Variants in KCNU1 observed in about 807,000 individuals in gnomAD.
The protein encoded by KCNU1 is potassium channel subfamily U member 1.
In KCNU1, 93 loss-of-function variants were observed where a neutral mutation model predicts 126.8. The observed-to-expected ratio is 0.73, with a 90% CI of 0.62 to 0.87. KCNU1 has a LOEUF of 0.87. KCNU1 is among the 40% of genes least tolerant of loss of function. The pLI is 0.00. For missense variants in KCNU1, 1,330 were observed against 1,367.1 expected (o/e 0.97, Z 0.43); for synonymous variants, 523 against 494.2 (o/e 1.06, Z -0.77).
In KCNU1 at chr8:36,808,793, G is replaced by A; in HGVS notation, c.732G>A (p.Leu244=). 2 of 1,606,324 alleles carry A rather than the reference G, an allele frequency of 1.2e-6. No individual in the cohort carries two copies. Among genetic ancestry groups the A allele is most frequent in the Non-Finnish European group, 8.5e-7 (1 of 1,174,380 alleles). Residue 244 remains leucine, a splice_region_variant and synonymous_variant, in exon 7 of 27, where the codon CTG becomes CTA. Transcript: ENST00000399881. ...TWFTAAGFIH[L]VENSGDPWLK... ...TCACAGCTGCGGGATTCATTCACCT[G>A]GTAAGCATCTCATCACAATCCCTAG... is the stretch of plus-strand genomic sequence containing the variant.
intron 9 of KCNU1, among the ~76,000 whole-genome samples, chr8:36,816,426 C>A (rs2130469959): frequency 6.6e-6 from 1 of 152,182 alleles, no homozygotes; most frequent in Admixed American, 6.5e-5. Flanking sequence ...ATGAAAGAGG[C>A]ATAATGGAGA....
chr8:36,916,957 G>C (rs112457402), intron 22 of KCNU1, among the ~76,000 whole-genome samples: 190 of 152,246 alleles, frequency 1.2e-3, no homozygotes, highest in African/African-American at 4.3e-3. Context: ...AAATATTGTA[G>C]TACATAGCAT....
rs569256699 is a variant in KCNU1, at chr8:36,822,661, G to A, written c.1106+4901G>A. On this transcript the variant is annotated intron_variant, in intron 10 of 26. Transcript: ENST00000399881. ...TATTAACTTATATTTCCATAAGTCAGACTGCTTAGTTGCATGCAAGAAAAA... is the reference window on the plus strand; with the variant it reads ...TATTAACTTATATTTCCATAAGTCAAACTGCTTAGTTGCATGCAAGAAAAA... Among the ~76,000 whole-genome samples, 99 of 152,178 alleles carry A rather than the reference G, an allele frequency of 6.5e-4. 1 individual carries two copies. The South Asian group carries it at 0.019, about 30-fold the overall frequency.
intron 7 of KCNU1, among the ~76,000 whole-genome samples, chr8:36,810,480 TAGAC>T (rs1203008498): frequency 4.6e-5 from 7 of 152,142 alleles, no homozygotes. Flanking sequence ...GCGTGTGAAT[TAGAC>T]AGTGCCACTT....
chr8:36,895,275 C>T (rs564288841), intron 19 of KCNU1, among the ~76,000 whole-genome samples: 6 of 152,092 alleles, frequency 3.9e-5, no homozygotes, highest in African/African-American at 1.4e-4. Context: ...GATGGGGTTT[C>T]ACCATGTTGT....
intron 19 of KCNU1, among the ~76,000 whole-genome samples, chr8:36,875,747 G>A (rs543114968): frequency 9.9e-5 from 15 of 151,772 alleles, no homozygotes; most frequent in African/African-American, 2.2e-4. Context: ...AAATATTTTC[G>A]TGCAGATTAG....
chr8:36,879,695 A>G (rs1806404238), intron 19 of KCNU1, among the ~76,000 whole-genome samples: 1 of 152,148 alleles, frequency 6.6e-6, no homozygotes, highest in Non-Finnish European at 1.5e-5. Context: ...GGAATAAGAA[A>G]AAAATTAGTA....
At chr8:36,908,961 C>A (rs1030725221) in intron 20 of KCNU1, among the ~76,000 whole-genome samples, 1 of 152,084 alleles carries the variant, frequency 6.6e-6, no homozygotes, top group African/African-American at 2.4e-5. Context: ...ATGGCACATA[C>A]AAGGCTAAAA....
chr8:36,935,401 A>G, intron 26 of KCNU1, 114 bp from the exon 27 acceptor site: 1 of 792,612 alleles, frequency 1.3e-6, no homozygotes, highest in South Asian at 1.8e-5. Flanking sequence ...GCAAAACAAA[A>G]CAAAAACGTT....
chr8:36,801,569 G>T (rs921973253), intron 2 of KCNU1, among the ~76,000 whole-genome samples: 1 of 151,638 alleles, frequency 6.6e-6, no homozygotes, highest in African/African-American at 2.4e-5. Context: ...CCTTTTATGG[G>T]ATTTCATAAG....
chr8:36,903,303 G>A (rs1314884094), intron 19 of KCNU1, among the ~76,000 whole-genome samples: 1 of 152,130 alleles, frequency 6.6e-6, no homozygotes, highest in Non-Finnish European at 1.5e-5. Context: ...GTTTGGGGGT[G>A]AGGCATTGAA....
At chr8:36,797,857 A>G (rs1803160102) in intron 2 of KCNU1, among the ~76,000 whole-genome samples, 1 of 152,180 alleles carries the variant, frequency 6.6e-6, no homozygotes, top group Non-Finnish European at 1.5e-5. Context: ...GCCAGGTACT[A>G]AGCTATTGTC....
At chr8:36,934,336 C>A (rs1385860104) in intron 26 of KCNU1, among the ~76,000 whole-genome samples, 2 of 151,926 alleles carry the variant, frequency 1.3e-5, no homozygotes, top group East Asian at 3.9e-4. Context: ...TGCTAAAGGG[C>A]AAAATAAGCA....
At chr8:36,841,234 C>T (rs1479805193) in intron 16 of KCNU1, among the ~76,000 whole-genome samples, 1 of 151,932 alleles carries the variant, frequency 6.6e-6, no homozygotes, top group African/African-American at 2.4e-5. Flanking sequence ...TCTTTTGTTC[C>T]TCGGACCCTG....
chr8:36,845,645 C>T lies in KCNU1; in HGVS notation c.1769C>T (p.Ala590Val). ...AAGAACACATTAGGGTTCTTTATTG[C>T]TGAAACTCCAAAGGACGTCAGAAGG... ...IRKNTLGFFI[A>V]ETPKDVRRAL... The change falls in exon 17 of 27, where the codon GCT becomes GTT. Residue 590 changes from alanine (A) to valine (V), a missense_variant. Physicochemically the swap from Ala to Val is moderately conservative, Grantham distance 64. This residue lies in a region of KCNU1 where 1,054 missense variants were observed against 1,053.9 expected (regional missense o/e 1.00). Coordinates refer to ENST00000399881, the MANE Select transcript of KCNU1 (RefSeq NM_001031836.3). The T allele has an allele frequency of 6.2e-7, 1 of 1,608,906 alleles. No homozygotes were observed. The highest frequency in any genetic ancestry group is 8.5e-7 in the Non-Finnish European group (1 of 1,175,370).
At chr8:36,884,105 G>A (rs757063820) in intron 19 of KCNU1, among the ~76,000 whole-genome samples, 11 of 152,136 alleles carry the variant, frequency 7.2e-5, no homozygotes, top group Non-Finnish European at 1.3e-4. Flanking sequence ...CACAATTCCG[G>A]CACATAAAAT....
intron 1 of KCNU1, among the ~76,000 whole-genome samples, chr8:36,785,104 T>C (rs971857262): frequency 2.0e-5 from 3 of 152,238 alleles, no homozygotes; most frequent in Non-Finnish European, 2.9e-5. Context: ...GAGAAGCCCA[T>C]GCATACATGC....
chr8:36,838,493 C>A (rs955244258), intron 14 of KCNU1, among the ~76,000 whole-genome samples: 4 of 152,002 alleles, frequency 2.6e-5, no homozygotes, highest in African/African-American at 9.7e-5. Flanking sequence ...GAGTTTGAGA[C>A]CAACCTTGCC....
chr8:36,786,637 A>T (rs889284730), intron 1 of KCNU1, among the ~76,000 whole-genome samples: 1 of 152,204 alleles, frequency 6.6e-6, no homozygotes. Context: ...ATGCCAGCTC[A>T]GGCCCCAGCC....
Sources: allele counts gnomAD v4.1 joint callset (sites outside exome capture counted in the v4.1 genomes callset), GRCh38; gene constraint gnomAD v4.1.1; regional missense constraint gnomAD v4.1.1; transcripts MANE v1.5; gene names NCBI Gene and HGNC (gene_info 2026-07-23, HGNC 2026-07-21).